ELMO1: variants seen among roughly 807,000 people sequenced by gnomAD.
The protein encoded by ELMO1 is engulfment and cell motility 1.
In ELMO1, 26 loss-of-function variants were observed where a neutral mutation model predicts 98.9. The ratio of observed to expected loss-of-function variants is 0.26; its 90% CI spans 0.19 to 0.36. The LOEUF is 0.36. ELMO1 is among the 10% of genes least tolerant of loss of function. The pLI is 1.00. For synonymous variants in ELMO1, 346 were observed against 346.0 expected (o/e 1.00, Z 0.00); for missense variants, 627 against 935.2 (o/e 0.67, Z 4.30).
intron 14 of ELMO1, among the ~76,000 whole-genome samples, chr7:37,104,044 G>GAAC (rs1784804873): frequency 2.0e-5 from 1 of 49,768 alleles, no homozygotes; most frequent in African/African-American, 5.9e-5. Context: ...AAAAAAAAAA[G>GAAC]AACAGAGAAA....
At chr7:37,086,781 TCTTGC>T (rs1222385992) in intron 15 of ELMO1, among the ~76,000 whole-genome samples, 1 of 128,528 alleles carries the variant, frequency 7.8e-6, no homozygotes, top group East Asian at 2.0e-4. Context: ...CTTTGAACTT[TCTTGC>T]CAAAAAAAAA....
chr7:36,966,421 A>G (rs997343471), intron 16 of ELMO1, among the ~76,000 whole-genome samples: 4 of 152,222 alleles, frequency 2.6e-5, no homozygotes, highest in South Asian at 2.1e-4. Flanking sequence ...CTTGGCCTGT[A>G]TCTACTGCTC....
At chr7:37,430,409 T>C (rs755323076) in intron 1 of ELMO1, among the ~76,000 whole-genome samples, 58 of 152,096 alleles carry the variant, frequency 3.8e-4, no homozygotes, top group Admixed American at 7.9e-4. Context: ...AGTCCACAAA[T>C]AGGGCTCACA....
chr7:36,856,721 C>T (rs903147955), intron 21 of ELMO1, among the ~76,000 whole-genome samples: 1 of 152,192 alleles, frequency 6.6e-6, no homozygotes. Context: ...ACCCCTGATG[C>T]CAGCATCTCA....
chr7:36,918,172 G>A (rs1277071690), intron 16 of ELMO1, among the ~76,000 whole-genome samples: 1 of 152,062 alleles, frequency 6.6e-6, no homozygotes, highest in African/African-American at 2.4e-5. Context: ...CATGGCCTTA[G>A]GGTGACAATA....
At chr7:37,039,408 G>A (rs188122443) in intron 15 of ELMO1, among the ~76,000 whole-genome samples, 12 of 152,354 alleles carry the variant, frequency 7.9e-5, no homozygotes, top group Non-Finnish European at 4.4e-5. Flanking sequence ...GCAGGCTCCT[G>A]CTCGTGGGCA....
At chr7:37,240,439 T>TC (rs1297101041) in intron 7 of ELMO1, among the ~76,000 whole-genome samples, 1 of 152,212 alleles carries the variant, frequency 6.6e-6, no homozygotes, top group Non-Finnish European at 1.5e-5. Context: ...TTCTTTTTTT[T>TC]CCTAATAAAT....
At chr7:37,126,042 C>T (rs1479595184) in intron 14 of ELMO1, among the ~76,000 whole-genome samples, 2 of 151,806 alleles carry the variant, frequency 1.3e-5, no homozygotes, top group African/African-American at 4.8e-5. Flanking sequence ...CAAACTATTG[C>T]AAGGACAAAA....
intron 1 of ELMO1, among the ~76,000 whole-genome samples, chr7:37,420,024 G>A (rs1182462147): frequency 6.6e-6 from 1 of 152,262 alleles, no homozygotes; most frequent in East Asian, 1.9e-4. Flanking sequence ...CCATTTACCG[G>A]TCTTTGGAGA....
intron 16 of ELMO1, among the ~76,000 whole-genome samples, chr7:36,975,167 A>C (rs529491277): frequency 1.3e-5 from 2 of 152,318 alleles, no homozygotes; most frequent in African/African-American, 4.8e-5. Flanking sequence ...TTTTTAAGTC[A>C]ACAGATGAAA....
chr7:37,404,812 GT>G (rs1430342337), intron 1 of ELMO1, among the ~76,000 whole-genome samples: 1 of 152,204 alleles, frequency 6.6e-6, no homozygotes, highest in East Asian at 1.9e-4. Flanking sequence ...TAAATAGATT[GT>G]GGTCGCAACT....
intron 4 of ELMO1, among the ~76,000 whole-genome samples, chr7:37,280,594 A>G (rs1797083377): frequency 6.6e-6 from 1 of 152,246 alleles, no homozygotes; most frequent in South Asian, 2.1e-4. Flanking sequence ...AAACATATGA[A>G]AAAATGCTCA....
intron 18 of ELMO1, among the ~76,000 whole-genome samples, chr7:36,886,780 T>C (rs1459575740): frequency 6.6e-6 from 1 of 152,264 alleles, no homozygotes; most frequent in Non-Finnish European, 1.5e-5. Flanking sequence ...CTGTTGGGTC[T>C]ACTCTTTTGA....
At chr7:37,014,535 C>T (rs182085218) in intron 15 of ELMO1, among the ~76,000 whole-genome samples, 2 of 152,166 alleles carry the variant, frequency 1.3e-5, no homozygotes, top group African/African-American at 4.8e-5. Context: ...GGATGACTTT[C>T]AGGCTTTTAA....
chr7:36,997,968 A>C (rs1792344353), intron 16 of ELMO1: 1 of 152,252 alleles, frequency 6.6e-6, no homozygotes, highest in Non-Finnish European at 1.5e-5. Context: ...CGTCGAGGTG[A>C]GGAGGTGGGA....
chr7:37,368,451 A>G (rs948351642), intron 1 of ELMO1, among the ~76,000 whole-genome samples: 4 of 152,206 alleles, frequency 2.6e-5, no homozygotes, highest in African/African-American at 9.7e-5. Context: ...AGTGCTTTGA[A>G]AAGTGAAAAG....
chr7:37,274,162 C>T (rs1435649987), intron 4 of ELMO1, among the ~76,000 whole-genome samples: 1 of 152,158 alleles, frequency 6.6e-6, no homozygotes, highest in Non-Finnish European at 1.5e-5. Context: ...GAGATAGGAG[C>T]TGGGGAAATG....
intron 16 of ELMO1, among the ~76,000 whole-genome samples, chr7:36,930,304 T>C (rs1166819598): frequency 6.6e-6 from 1 of 152,230 alleles, no homozygotes; most frequent in East Asian, 1.9e-4. Context: ...AAAAGCTGTA[T>C]CTTGCTTTCA....
Position 37,342,899 on chromosome 7 carries a change from G to A in ELMO1, c.-73-136C>T, listed in dbSNP as rs548371269. 3.7e-4 allele frequency: 195 copies of A among 528,494 alleles called. 1 individual carries two copies. The highest frequency in any genetic ancestry group is 3.6e-3 in the African/African-American group (182 of 50,586). 32.7% of individuals were successfully genotyped at this position (528,494 alleles called of 1,614,324 possible). ...CCCTTGGTGCCTGGGTGCTGAAGGT[G>A]CAGGGGCACAGCCAACGGTACAATG... On this transcript the variant is annotated intron_variant, in intron 1 of 21. Transcript: ENST00000310758. This position sits in a 1 kb window ranked among gnomAD's most constrained non-coding sequence, Gnocchi z 4.3.
Sources: allele counts gnomAD v4.1 joint callset (sites outside exome capture counted in the v4.1 genomes callset), GRCh38; gene constraint gnomAD v4.1.1; non-coding constraint Gnocchi (gnomAD v3.1); transcripts MANE v1.5; gene names NCBI Gene and HGNC (gene_info 2026-07-23, HGNC 2026-07-21).